FAM13B: variants seen among roughly 807,000 people sequenced by gnomAD.
FAM13B encodes protein FAM13B.
A neutral mutation model predicts 117.3 loss-of-function variants in FAM13B; 60 were observed. The ratio of observed to expected loss-of-function variants is 0.51; its 90% confidence interval spans 0.42 to 0.63. FAM13B has a LOEUF of 0.63. Ranked by LOEUF, FAM13B falls within the 30% of genes least tolerant of loss-of-function variation. FAM13B has a pLI of 0.00. For missense variants in FAM13B, 972 were observed against 1,091.9 expected, an observed-to-expected ratio of 0.89 and a Z score of 1.55; for synonymous variants, 332 against 356.1, an observed-to-expected ratio of 0.93 and a Z score of 0.76.
In FAM13B at chr5:137,976,471, T is replaced by C. The variant is rs750909498; in HGVS notation, c.1179+8786A>G. Among the ~76,000 whole-genome samples the C allele has an allele frequency of 2.6e-5, 4 of 152,302 alleles. No individual in the cohort carries two copies. The South Asian group carries it at 6.2e-4, about 24-fold the overall frequency. ...ATTTGATTATAAATCAGAGAAACTG[T>C]TGGAAACCTAAATATAAGAACATAT... is the stretch of plus-strand genomic sequence containing the variant. On this transcript the variant is annotated intron_variant, in intron 10 of 23. Coordinates refer to ENST00000689681, the MANE Select transcript of FAM13B (RefSeq NM_001385994.1).
rs144685038 is a variant in FAM13B, at chr5:137,940,120, C to G, written c.*105G>C. On this transcript the variant is annotated 3_prime_UTR_variant, in exon 24 of 24. Coordinates refer to ENST00000689681, the MANE Select transcript of FAM13B (RefSeq NM_001385994.1). ...CCACAACCAAGTACAAAATGAGATT[C>G]TCTGAGTGCCTGACAAAACGAATTT... 6.2e-7 allele frequency: 1 copy of G among 1,614,070 alleles called. No homozygotes were observed. The highest frequency in any genetic ancestry group is 2.2e-5 in the East Asian group (1 of 44,872).
chr5:137,954,896 A>C (rs1489661242), intron 14 of FAM13B, among the ~76,000 whole-genome samples: 1 of 152,170 alleles, frequency 6.6e-6, no homozygotes, highest in African/African-American at 2.4e-5. Context: ...TGCAGGGATT[A>C]CAGGCATGAG....
intron 7 of FAM13B, among the ~76,000 whole-genome samples, chr5:138,002,054 A>G (rs2150779402): frequency 6.6e-6 from 1 of 152,328 alleles, no homozygotes; most frequent in Middle Eastern, 3.4e-3. Context: ...TAACCAAAGG[A>G]ATGAAACGCT....
At chr5:137,942,285 A>G in intron 22 of FAM13B, 1 of 500,660 alleles carries the variant, frequency 2.0e-6, no homozygotes. Flanking sequence ...ATCCAAAGGT[A>G]AAGAAGTGGA....
chr5:137,946,465 G>C, intron 18 of FAM13B, 154 bp from the exon 19 acceptor site: 1 of 543,936 alleles, frequency 1.8e-6, no homozygotes, highest in Non-Finnish European at 3.1e-6. Context: ...GCCTTTGCTT[G>C]CAGATTTGCA....
chr5:137,953,764 GT>G (rs923138574), intron 15 of FAM13B, among the ~76,000 whole-genome samples: 11 of 152,156 alleles, frequency 7.2e-5, no homozygotes, highest in African/African-American at 2.2e-4. Flanking sequence ...GCATAACAAA[GT>G]TTTTGACATT....
At chr5:137,994,833 T>C (rs1779465204) in intron 7 of FAM13B, among the ~76,000 whole-genome samples, 1 of 152,238 alleles carries the variant, frequency 6.6e-6, no homozygotes, top group African/African-American at 2.4e-5. Flanking sequence ...GACATAATCA[T>C]CTTGAGAACA....
intron 10 of FAM13B, among the ~76,000 whole-genome samples, chr5:137,973,061 C>A (rs1465405056): frequency 6.6e-6 from 1 of 152,064 alleles, no homozygotes; most frequent in Middle Eastern, 3.2e-3. Flanking sequence ...TCAATGCCAT[C>A]CCCATCAAGC....
chr5:138,016,901 A>C (rs894194264), intron 4 of FAM13B, among the ~76,000 whole-genome samples: 1 of 152,218 alleles, frequency 6.6e-6, no homozygotes, highest in African/African-American at 2.4e-5. Flanking sequence ...TAAAAGGCTC[A>C]AAAAACCTTT....
rs181660508 is a variant in FAM13B, at chr5:138,010,717, A to G, written c.690+291T>C. ...GCTAGCAGTTTCTCTGCAAAAAACC[A>G]AAACACTGCATTATCCTTACAAAAT... is the stretch of plus-strand genomic sequence containing the variant. On this transcript the variant is annotated intron_variant, in intron 6 of 23. Coordinates refer to ENST00000689681, the MANE Select transcript of FAM13B (RefSeq NM_001385994.1). Among the ~76,000 whole-genome samples, 335 of 152,260 alleles carry G rather than the reference A, an allele frequency of 2.2e-3. 1 individual carries two copies. Among genetic ancestry groups the G allele is most frequent in the Admixed American group, 3.9e-3 (60 of 15,290 alleles).
intron 7 of FAM13B, among the ~76,000 whole-genome samples, chr5:138,002,276 C>T (rs1180751702): frequency 6.6e-6 from 1 of 152,128 alleles, no homozygotes; most frequent in Non-Finnish European, 1.5e-5. Flanking sequence ...CACCTGTTAT[C>T]CCAACACTTT....
intron 7 of FAM13B, among the ~76,000 whole-genome samples, chr5:137,990,756 G>A (rs565812622): frequency 6.6e-6 from 1 of 152,004 alleles, no homozygotes; most frequent in South Asian, 2.1e-4. Context: ...GGAGTTTGAG[G>A]CCACCCTGGG....
At chr5:138,021,770 T>C (rs903500289) in intron 1 of FAM13B, among the ~76,000 whole-genome samples, 1 of 152,216 alleles carries the variant, frequency 6.6e-6, no homozygotes, top group East Asian at 1.9e-4. Context: ...AGACACATGA[T>C]GGTGAACAAC....
chr5:138,001,036 T>C (rs1781138824), intron 7 of FAM13B, among the ~76,000 whole-genome samples: 1 of 151,956 alleles, frequency 6.6e-6, no homozygotes, highest in Non-Finnish European at 1.5e-5. Flanking sequence ...TCTAATATGG[T>C]AAATACCAAT....
At chr5:137,972,605 G>A (rs932952795) in intron 10 of FAM13B, among the ~76,000 whole-genome samples, 2 of 152,024 alleles carry the variant, frequency 1.3e-5, no homozygotes, top group African/African-American at 4.8e-5. Context: ...GGAAGTTCTG[G>A]CCAGGGCAAT....
intron 10 of FAM13B, among the ~76,000 whole-genome samples, chr5:137,972,583 C>G (rs921635561): frequency 6.6e-6 from 1 of 151,968 alleles, no homozygotes; most frequent in African/African-American, 2.4e-5. Context: ...CACTCCTATT[C>G]AACATAGTGT....
intron 15 of FAM13B, 66 bp from the exon 16 acceptor site, chr5:137,953,531 C>G: frequency 6.7e-7 from 1 of 1,491,980 alleles, no homozygotes; most frequent in Non-Finnish European, 9.2e-7. Flanking sequence ...TCTTATTGCC[C>G]TGACATGGCA....
At chr5:138,008,607 G>A (rs1783139759) in intron 6 of FAM13B, among the ~76,000 whole-genome samples, 1 of 152,134 alleles carries the variant, frequency 6.6e-6, no homozygotes, top group African/African-American at 2.4e-5. Flanking sequence ...TCACAGAGCT[G>A]GTTGAAAGGA....
chr5:137,977,883 CAT>C (rs1774477257), intron 10 of FAM13B, among the ~76,000 whole-genome samples: 1 of 152,174 alleles, frequency 6.6e-6, no homozygotes, highest in African/African-American at 2.4e-5. Context: ...CTGTTGGAAA[CAT>C]AAATATAAGG....
Sources: gnomAD v4.1 joint callset for allele counts (sites outside exome capture counted in the v4.1 genomes callset) on GRCh38, gnomAD v4.1.1 for gene constraint, MANE v1.5 for transcripts, NCBI Gene and HGNC (gene_info 2026-07-23, HGNC 2026-07-21) for gene names.